ADAMTSL1: variants seen among roughly 807,000 people sequenced by gnomAD.
ADAMTSL1 encodes ADAMTS-like protein 1.
In ADAMTSL1, 126 loss-of-function variants were observed where a neutral mutation model predicts 201.8. That is an observed-to-expected ratio of 0.62 (90% CI 0.54 to 0.72). ADAMTSL1 has a LOEUF of 0.72. Ranked by LOEUF, ADAMTSL1 falls within the 30% of genes least tolerant of loss-of-function variation. The pLI is 0.00. For missense variants in ADAMTSL1, 2,679 were observed against 2,277.8 expected (o/e 1.18, Z -3.59); for synonymous variants, 1,121 against 903.4 (o/e 1.24, Z -4.32).
intron 2 of ADAMTSL1, among the ~76,000 whole-genome samples, chr9:18,415,210 C>A (rs1818621511): frequency 6.6e-6 from 1 of 152,124 alleles, no homozygotes; most frequent in Non-Finnish European, 1.5e-5. Context: ...GAAAATATAA[C>A]CCGTAAAAAA....
chr9:18,777,299 C>T lies in ADAMTSL1; in HGVS notation c.3070C>T (p.Leu1024Phe). The change falls in exon 19 of 29, where the codon CTC becomes TTC. Residue 1024 changes from leucine to phenylalanine, a missense_variant. By Grantham distance (22) the Leu-to-Phe change is conservative (BLOSUM62 0). Coordinates refer to ENST00000380548, the MANE Select transcript of ADAMTSL1 (RefSeq NM_001040272.6). The stretch of plus-strand genomic sequence containing the variant: ...CAACCCGGGGAGCCGCTACGACGAC[C>T]TCGTCTCCCGGCTGCTGGAGCAGGG... ...AANPGSRYDD[L>F]VSRLLEQGGW... 2.5e-6 allele frequency: 4 copies of T among 1,605,090 alleles called. No homozygotes were observed. The highest frequency in any genetic ancestry group is 3.4e-6 in the Non-Finnish European group (4 of 1,176,044).
chr9:17,961,163 C>G (rs1817739070), intron 1 of ADAMTSL1, among the ~76,000 whole-genome samples: 1 of 152,182 alleles, frequency 6.6e-6, no homozygotes, highest in Non-Finnish European at 1.5e-5. Context: ...CAAGTAATTA[C>G]TATGTGGATT....
chr9:18,629,110 T>A (rs1193744782), intron 5 of ADAMTSL1, among the ~76,000 whole-genome samples: 1 of 152,214 alleles, frequency 6.6e-6, no homozygotes, highest in East Asian at 1.9e-4. Context: ...AGCCGTGTAT[T>A]ATGTAAACTT....
intron 2 of ADAMTSL1, among the ~76,000 whole-genome samples, chr9:18,508,331 C>G (rs2131953195): frequency 6.6e-6 from 1 of 152,164 alleles, no homozygotes; most frequent in African/African-American, 2.4e-5. Flanking sequence ...GATTTTAGCC[C>G]TGTATTTTCT....
chr9:18,090,850 T>TC, intron 1 of ADAMTSL1, among the ~76,000 whole-genome samples: 1 of 152,202 alleles, frequency 6.6e-6, no homozygotes, highest in East Asian at 1.9e-4. Flanking sequence ...CTCTCCTTCC[T>TC]CCCCCTGGCG....
Position 18,306,295 on chromosome 9 carries a change from G to A in ADAMTSL1, c.207+142314G>A, listed in dbSNP as rs1006536597. On this transcript the variant is annotated intron_variant, in intron 2 of 29. Transcript: ENST00000680146. ...TCAGAATGCTTCTTCTCCTCCAAAGGATCACAACTCCTCACCAGCAAGGGA... is the reference window on the plus strand; with the variant it reads ...TCAGAATGCTTCTTCTCCTCCAAAGAATCACAACTCCTCACCAGCAAGGGA... Among the ~76,000 whole-genome samples the A allele has an allele frequency of 2.0e-5, 3 of 152,214 alleles. No individual in the cohort carries two copies. In the South Asian group the frequency reaches 6.3e-4, roughly 32 times the overall value.
At chr9:18,800,257 A>G (rs887560376) in intron 20 of ADAMTSL1, among the ~76,000 whole-genome samples, 2 of 151,874 alleles carry the variant, frequency 1.3e-5, no homozygotes, top group Non-Finnish European at 2.9e-5. Context: ...AGCGCCTGTA[A>G]TCCCAGCTAC....
chr9:18,304,533 C>G (rs1366662415), intron 2 of ADAMTSL1, among the ~76,000 whole-genome samples: 6 of 151,992 alleles, frequency 3.9e-5, no homozygotes, highest in Non-Finnish European at 5.9e-5. Flanking sequence ...TTCTCAAAAA[C>G]TCACACTTAA....
At chr9:18,861,612 C>T (rs1318134697) in intron 23 of ADAMTSL1, among the ~76,000 whole-genome samples, 3 of 152,202 alleles carry the variant, frequency 2.0e-5, no homozygotes, top group Non-Finnish European at 2.9e-5. Flanking sequence ...TTGGACAACT[C>T]TCTGCCCTTC....
chr9:18,055,400 T>TAGA (rs1260738795), intron 1 of ADAMTSL1, among the ~76,000 whole-genome samples: 1 of 152,202 alleles, frequency 6.6e-6, no homozygotes, highest in Non-Finnish European at 1.5e-5. Context: ...AGGAAGTGTG[T>TAGA]AGAAGTAGGG....
At chr9:18,671,684 G>T (rs565623554) in intron 9 of ADAMTSL1, among the ~76,000 whole-genome samples, 1 of 152,114 alleles carries the variant, frequency 6.6e-6, no homozygotes, top group Non-Finnish European at 1.5e-5. Flanking sequence ...GAAGCAAGAG[G>T]TCATGAGAGA....
At chr9:17,994,626 C>G (rs1246298540) in intron 1 of ADAMTSL1, among the ~76,000 whole-genome samples, 4 of 152,148 alleles carry the variant, frequency 2.6e-5, no homozygotes, top group Non-Finnish European at 5.9e-5. Context: ...TGAGAGTTAA[C>G]TACCTTGTAT....
intron 1 of ADAMTSL1, among the ~76,000 whole-genome samples, chr9:18,051,663 A>G (rs549502312): frequency 8.6e-5 from 13 of 151,916 alleles, no homozygotes; most frequent in Non-Finnish European, 1.6e-4. Context: ...TCCAGTTATT[A>G]TCAGTCTTAC....
chr9:18,848,574 C>A (rs1382632398), intron 23 of ADAMTSL1, among the ~76,000 whole-genome samples: 1 of 152,128 alleles, frequency 6.6e-6, no homozygotes, highest in East Asian at 1.9e-4. Context: ...CCCACCATAT[C>A]TATCTAAATC....
At chr9:18,440,102 A>G (rs972948213) in intron 2 of ADAMTSL1, among the ~76,000 whole-genome samples, 1 of 152,186 alleles carries the variant, frequency 6.6e-6, no homozygotes, top group Non-Finnish European at 1.5e-5. Context: ...AAATGTATTT[A>G]TTATGTTTTT....
chr9:18,325,574 A>T lies in ADAMTSL1; in HGVS notation c.207+161593A>T, dbSNP rs190586576. 1.3e-3 allele frequency among the ~76,000 whole-genome samples: 203 copies of T among 152,296 alleles called. 1 individual carries two copies. Among genetic ancestry groups the T allele is most frequent in the African/African-American group, 4.8e-3 (199 of 41,562 alleles). ...AACATACCACAGACTGAGTAATTTA[A>T]AAAGAATGGAAATTTATTTCTCACA... On this transcript the variant is annotated intron_variant, in intron 2 of 29. Transcript: ENST00000680146.
chr9:18,687,318 G>A (rs774306593), intron 13 of ADAMTSL1, among the ~76,000 whole-genome samples: 10 of 152,146 alleles, frequency 6.6e-5, no homozygotes, highest in African/African-American at 1.2e-4. Context: ...CACATAGACC[G>A]TTTCTAAATG....
At chr9:18,697,750 C>T (rs961684768) in intron 13 of ADAMTSL1, among the ~76,000 whole-genome samples, 17 of 152,296 alleles carry the variant, frequency 1.1e-4, no homozygotes, top group Admixed American at 3.9e-4. Flanking sequence ...AGAATAACTC[C>T]TGATTTTTTA....
intron 13 of ADAMTSL1, among the ~76,000 whole-genome samples, chr9:18,685,437 A>G (rs1293786704): frequency 1.3e-5 from 2 of 152,252 alleles, no homozygotes; most frequent in Non-Finnish European, 2.9e-5. Context: ...AAGTTTATGT[A>G]TTGATTTCAT....
Sources: allele counts gnomAD v4.1 joint callset (sites outside exome capture counted in the v4.1 genomes callset), GRCh38; gene constraint gnomAD v4.1.1; transcripts MANE v1.5; gene names NCBI Gene and HGNC (gene_info 2026-07-23, HGNC 2026-07-21).